Variants in SCHIP1 observed in about 807,000 individuals in gnomAD.
The protein encoded by SCHIP1 is schwannomin-interacting protein 1.
A neutral mutation model predicts 29.7 loss-of-function variants in SCHIP1; 8 were observed. The observed-to-expected ratio is 0.27, with a 90% confidence interval of 0.16 to 0.49. The LOEUF (loss-of-function observed/expected upper bound fraction) is 0.49. Ranked by LOEUF, SCHIP1 falls within the 20% of genes least tolerant of loss-of-function variation. SCHIP1 has a pLI of 0.99. For missense variants in SCHIP1, 193 were observed against 294.6 expected (o/e 0.66, Z 2.52); for synonymous variants, 76 against 94.9 (o/e 0.80, Z 1.16).
the SCHIP1 span, among the ~76,000 whole-genome samples, chr3:159,412,846 G>A: frequency 6.6e-6 from 1 of 152,214 alleles, no homozygotes; most frequent in African/African-American, 2.4e-5. Flanking sequence ...GGCTGAACTA[G>A]GATGTCAGAG....
the SCHIP1 span, among the ~76,000 whole-genome samples, chr3:159,507,641 A>T: frequency 6.6e-6 from 1 of 152,186 alleles, no homozygotes; most frequent in Non-Finnish European, 1.5e-5. Flanking sequence ...GATACATCCC[A>T]TCAATACCTA....
At chr3:159,396,200 G>C in the SCHIP1 span, among the ~76,000 whole-genome samples, 953 of 150,356 alleles carry the variant, frequency 6.3e-3, 11 homozygotes, top group African/African-American at 0.023. Flanking sequence ...CTTTTATTTT[G>C]AGCCTATGTG....
chr3:159,473,337 TA>T, the SCHIP1 span, among the ~76,000 whole-genome samples: 5 of 152,172 alleles, frequency 3.3e-5, no homozygotes. Context: ...TTGACTCTGT[TA>T]CTTTGTCATC....
At chr3:159,868,595 A>G (rs573980300) in intron 2 of SCHIP1, among the ~76,000 whole-genome samples, 11 of 152,196 alleles carry the variant, frequency 7.2e-5, no homozygotes, top group African/African-American at 2.2e-4. Context: ...TACTTGAGAA[A>G]TTTTATTTTT....
the SCHIP1 span, among the ~76,000 whole-genome samples, chr3:159,338,472 G>T: frequency 0.19 from 28,479 of 152,014 alleles, 2,829 homozygotes; most frequent in Middle Eastern, 0.29. Context: ...TATAAGATGA[G>T]GTTATGACTA....
the SCHIP1 span, among the ~76,000 whole-genome samples, chr3:159,692,515 C>T: frequency 1.1e-4 from 17 of 152,204 alleles, no homozygotes; most frequent in East Asian, 5.8e-4. Flanking sequence ...TCAATCAATT[C>T]GGCTATTGAT....
the SCHIP1 span, among the ~76,000 whole-genome samples, chr3:159,449,350 A>G: frequency 6.6e-6 from 1 of 152,174 alleles, no homozygotes; most frequent in African/African-American, 2.4e-5. Flanking sequence ...AGAAGAGGGA[A>G]GGTCTCCTTG....
At chr3:159,679,960 T>C in the SCHIP1 span, among the ~76,000 whole-genome samples, 3 of 152,004 alleles carry the variant, frequency 2.0e-5, no homozygotes, top group African/African-American at 7.2e-5. Flanking sequence ...CCTTCAGATA[T>C]TTCTCTCAAA....
At chr3:159,625,133 C>T in the SCHIP1 span, among the ~76,000 whole-genome samples, 1 of 152,196 alleles carries the variant, frequency 6.6e-6, no homozygotes, top group Non-Finnish European at 1.5e-5. Flanking sequence ...GGGGTCTGTG[C>T]AGCGCAGTGT....
the SCHIP1 span, among the ~76,000 whole-genome samples, chr3:159,646,740 G>A: frequency 1.3e-5 from 2 of 152,208 alleles, no homozygotes; most frequent in East Asian, 1.9e-4. Flanking sequence ...GGAAGTTGGG[G>A]GGTGGCACAT....
the SCHIP1 span, among the ~76,000 whole-genome samples, chr3:159,745,793 A>G: frequency 6.6e-6 from 1 of 152,298 alleles, no homozygotes; most frequent in East Asian, 1.9e-4. Context: ...CTCTTCTCCA[A>G]ATGACTCACA....
At chr3:159,791,944 G>A in the SCHIP1 span, among the ~76,000 whole-genome samples, 2 of 152,138 alleles carry the variant, frequency 1.3e-5, no homozygotes, top group Non-Finnish European at 2.9e-5. Flanking sequence ...ATGGAATGCC[G>A]GGTAATATTC....
the SCHIP1 span, among the ~76,000 whole-genome samples, chr3:159,568,738 G>A: frequency 6.6e-6 from 1 of 152,072 alleles, no homozygotes; most frequent in Non-Finnish European, 1.5e-5. Flanking sequence ...AATAGATCAA[G>A]GCTGTTAATT....
chr3:159,732,113 T>G, the SCHIP1 span, among the ~76,000 whole-genome samples: 1 of 152,238 alleles, frequency 6.6e-6, no homozygotes, highest in East Asian at 1.9e-4. Context: ...CCCAAAGTGC[T>G]GGAATTACAG....
At chr3:159,697,410 T>C in the SCHIP1 span, among the ~76,000 whole-genome samples, 2 of 152,068 alleles carry the variant, frequency 1.3e-5, no homozygotes, top group Non-Finnish European at 2.9e-5. Flanking sequence ...GTCTGGAAAT[T>C]TGAAAGTCAT....
the SCHIP1 span, among the ~76,000 whole-genome samples, chr3:159,608,840 C>T: frequency 2.0e-5 from 3 of 152,044 alleles, no homozygotes; most frequent in Admixed American, 6.6e-5. Context: ...CTAAACAAGC[C>T]GATTAATTAC....
At chr3:159,527,712 T>G in the SCHIP1 span, among the ~76,000 whole-genome samples, 1 of 152,216 alleles carries the variant, frequency 6.6e-6, no homozygotes, top group African/African-American at 2.4e-5. Context: ...TGAAAATCTA[T>G]TATGCTAATT....
the SCHIP1 span, chr3:159,401,378 G>C: frequency 5.2e-6 from 5 of 969,740 alleles, no homozygotes; most frequent in Non-Finnish European, 6.1e-6. Flanking sequence ...ACAAGGTTGA[G>C]TGACATCTAT....
At chr3:159,557,511 G>A in the SCHIP1 span, among the ~76,000 whole-genome samples, 13 of 152,232 alleles carry the variant, frequency 8.5e-5, no homozygotes, top group Admixed American at 5.9e-4. Context: ...CTGGAATAGC[G>A]GGTATTTAAG....
Sources: allele counts gnomAD v4.1 joint callset (sites outside exome capture counted in the v4.1 genomes callset), GRCh38; gene constraint gnomAD v4.1.1; transcripts MANE v1.5; gene names NCBI Gene and HGNC (gene_info 2026-07-23, HGNC 2026-07-21).